Variants in GRID2IP observed in about 807,000 individuals in gnomAD.
The protein encoded by GRID2IP is delphilin.
In GRID2IP, 78 loss-of-function variants were observed where a neutral mutation model predicts 114.3. The observed-to-expected ratio is 0.68, with a 90% CI of 0.57 to 0.82. The LOEUF is 0.82. Ranked by LOEUF, GRID2IP falls within the 40% of genes least tolerant of loss-of-function variation. GRID2IP has a pLI of 0.00. For synonymous variants in GRID2IP, 809 were observed against 724.0 expected (o/e 1.12, Z -1.89); for missense variants, 1,727 against 1,678.5 (o/e 1.03, Z -0.51).
rs138354486 is a variant in GRID2IP at position 6,510,890 on chromosome 7, C to G, written c.1555+18G>C. 6.5e-7 allele frequency: 1 copy of G among 1,549,680 alleles called. No homozygotes were observed. On this transcript the variant is annotated intron_variant, in intron 9 of 21. Transcript: ENST00000457091. ...AAACTGAGCTCCATTCATACCCTCCCCCTGACACCAGCCTTACCGCAGCTG... is the reference window on the plus strand; with the variant it reads ...AAACTGAGCTCCATTCATACCCTCCGCCTGACACCAGCCTTACCGCAGCTG...
intron 4 of GRID2IP, among the ~76,000 whole-genome samples, chr7:6,524,954 G>C (rs1277652370): frequency 6.6e-6 from 1 of 151,518 alleles, no homozygotes; most frequent in Non-Finnish European, 1.5e-5. Context: ...TCCTGACCTC[G>C]TGATCCACCT....
intron 20 of GRID2IP, among the ~76,000 whole-genome samples, chr7:6,500,683 GC>G (rs1294901806): frequency 1.3e-5 from 2 of 152,228 alleles, no homozygotes; most frequent in Non-Finnish European, 2.9e-5. Context: ...ACCACCTACT[GC>G]CCTGGCCACA....
At chr7:6,539,969 C>G in intron 1 of GRID2IP, 97 bp from the exon 2 acceptor site, 3 of 1,167,104 alleles carry the variant, frequency 2.6e-6, no homozygotes, top group Middle Eastern at 2.2e-4. Context: ...TTTACCTACA[C>G]GGGATGGCTG....
chr7:6,503,934 A>C (rs1786496292), intron 15 of GRID2IP, among the ~76,000 whole-genome samples: 1 of 147,564 alleles, frequency 6.8e-6, no homozygotes, highest in Non-Finnish European at 1.5e-5. Context: ...AGAAAAAAGG[A>C]AAGGGGGCGG....
Position 6,536,750 on chromosome 7 carries a change from G to T in GRID2IP, c.584+2968C>A. 1 of 699,250 alleles carries T rather than the reference G, an allele frequency of 1.4e-6. No individual in the cohort carries two copies. Among genetic ancestry groups the T allele is most frequent in the Non-Finnish European group, 2.6e-6 (1 of 382,580 alleles). The allele number at this position is 699,250 out of a possible 1,614,324, so 43.3% of individuals were successfully genotyped here. On this transcript the variant is annotated intron_variant, in intron 2 of 21. Coordinates refer to ENST00000457091, the MANE Select transcript of GRID2IP (RefSeq NM_001145118.2). The surrounding 1 kb of genome is among the most constrained non-coding windows in gnomAD (Gnocchi z 5.3). ...TCAGAGCCAGCGCATCATCTCCGCG[G>T]CAAATTCGGCTCTAGAAATAACTTT...
At position 6,520,634 on chromosome 7, in the gene GRID2IP, G is replaced by A. The variant is rs754459115; in HGVS notation, c.1212C>T (p.Leu404=). ...AGACCCCATAGCGCTCAGGAGGTGTGAGTAGGTGCTCCAGCTGCTGGCTGA... is the reference window on the plus strand; with the variant it reads ...AGACCCCATAGCGCTCAGGAGGTGTAAGTAGGTGCTCCAGCTGCTGGCTGA... ...RTFSQQLEHL[L]TPPERYGVCR... Residue 404 remains leucine (L), a synonymous_variant, in exon 7 of 22, where the codon CTC becomes CTT. Coordinates refer to ENST00000457091, the MANE Select transcript of GRID2IP (RefSeq NM_001145118.2). This position sits in a 1 kb window ranked among gnomAD's most constrained non-coding sequence, Gnocchi z 4.6. 1 of 1,551,626 alleles carries A rather than the reference G, an allele frequency of 6.4e-7. No homozygotes were observed. Among genetic ancestry groups the A allele is most frequent in the Non-Finnish European group, 8.7e-7 (1 of 1,147,002 alleles).
rs963229696 is a variant in GRID2IP, at chr7:6,532,592, G to T, written c.585-5823C>A. ...ACTGGAGCCAGTGCCCACTCATGCC[G>T]TGCCCTCCCCAAGCCCTGTCCTCAG... is the stretch of plus-strand genomic sequence containing the variant. On this transcript the variant is annotated intron_variant, in intron 2 of 21. Coordinates refer to ENST00000457091, the MANE Select transcript of GRID2IP (RefSeq NM_001145118.2). This position sits in a 1 kb window ranked among gnomAD's most constrained non-coding sequence, Gnocchi z 4.4. 6.6e-6 allele frequency among the ~76,000 whole-genome samples: 1 copy of T among 152,114 alleles called. No individual in the cohort carries two copies. The highest frequency in any genetic ancestry group is 1.9e-4 in the East Asian group (1 of 5,190).
chr7:6,539,781 A>T lies in GRID2IP; in HGVS notation c.521T>A (p.Leu174Gln). ...QFAAEQRVDD[L>Q]VWTLTLALPR... ...CAGCGCCAGGGTGAGAGTCCACACC[A>T]GATCATCCACCCGCTGCTCAGCTGC... The change falls in exon 2 of 22, where the codon CTG becomes CAG. Residue 174 changes from leucine to glutamine, a missense_variant. Physicochemically the swap from Leu to Gln is moderately radical, Grantham distance 113. Coordinates refer to ENST00000457091, the MANE Select transcript of GRID2IP (RefSeq NM_001145118.2). The T allele has an allele frequency of 6.4e-7, 1 of 1,550,602 alleles. No individual in the cohort carries two copies. The highest frequency in any genetic ancestry group is 8.7e-7 in the Non-Finnish European group (1 of 1,146,940).
At chr7:6,513,386 C>CTT (rs34015103) in intron 8 of GRID2IP, among the ~76,000 whole-genome samples, 2,102 of 144,668 alleles carry the variant, frequency 0.015, 47 homozygotes, top group African/African-American at 0.044. Context: ...TAAATTAAAA[C>CTT]TTTTTTTTTT....
In GRID2IP at chr7:6,503,694, G is replaced by A. The variant is rs1786485771; in HGVS notation, c.2711-7C>T. ...AGGTGTGCCAAGAGGATGGCTGCGGGCGGGGCGGGGCGGTGAGCTGGGCGG... is the reference window on the plus strand; with the variant it reads ...AGGTGTGCCAAGAGGATGGCTGCGGACGGGGCGGGGCGGTGAGCTGGGCGG... On this transcript the variant is annotated splice_region_variant and splice_polypyrimidine_tract_variant and intron_variant, in intron 15 of 21. Coordinates refer to ENST00000457091, the MANE Select transcript of GRID2IP (RefSeq NM_001145118.2). 1.4e-6 allele frequency: 2 copies of A among 1,468,192 alleles called. No homozygotes were observed. The highest frequency in any genetic ancestry group is 2.9e-5 in the African/African-American group (2 of 68,310). The allele number at this position is 1,468,192 out of a possible 1,614,324, so 90.9% of individuals were successfully genotyped here.
At chr7:6,550,965 AGCCCCCTCCTTCCC>A in intron 1 of GRID2IP, 29 bp downstream of exon 1, 1 of 1,172,012 alleles carries the variant, frequency 8.5e-7, no homozygotes, top group Non-Finnish European at 1.1e-6. Flanking sequence ...CCACATTATG[AGCCCCCTCCTTCCC>A]GCCCCCACCT....
intron 2 of GRID2IP, among the ~76,000 whole-genome samples, chr7:6,529,621 C>G (rs1379249329): frequency 6.6e-6 from 1 of 152,220 alleles, no homozygotes; most frequent in African/African-American, 2.4e-5. Context: ...GCCCTCCATG[C>G]AGCTCAGTCT....
At chr7:6,505,318 A>G (rs1786544832) in intron 14 of GRID2IP, among the ~76,000 whole-genome samples, 2 of 148,460 alleles carry the variant, frequency 1.3e-5, no homozygotes, top group Admixed American at 1.3e-4. Flanking sequence ...TTTAGAAATG[A>G]GAGTCCCTGG....
chr7:6,529,776 C>T (rs1488612538), intron 2 of GRID2IP, among the ~76,000 whole-genome samples: 1 of 152,114 alleles, frequency 6.6e-6, no homozygotes, highest in African/African-American at 2.4e-5. Flanking sequence ...CTCTGGAGTC[C>T]CTGCTATGCC....
At position 6,526,530 on chromosome 7, in the gene GRID2IP, C is replaced by T; in HGVS notation, c.824G>A (p.Gly275Asp). 2.4e-6 allele frequency: 3 copies of T among 1,233,694 alleles called. No homozygotes were observed. The highest frequency in any genetic ancestry group is 3.0e-6 in the Non-Finnish European group (3 of 988,752). The allele number at this position is 1,233,694 out of a possible 1,614,324, so 76.4% of individuals were successfully genotyped here. Residue 275 changes from glycine (G) to aspartate (D), a missense_variant, in exon 3 of 22, where the codon GGC (glycine) becomes GAC (aspartate). Physicochemically the swap from Gly to Asp is moderately conservative, Grantham distance 94. Transcript: ENST00000457091. The surrounding 1 kb of genome is among the most constrained non-coding windows in gnomAD (Gnocchi z 7.6). ...LLVGGLAGPG[G>D]ARRTVRVYKG... ...TGTGAGCCCCGCGTACCTGCGCGCG[C>T]CCCCGGGGCCGGCGAGGCCGCCCAC...
In GRID2IP at chr7:6,504,854, C is replaced by T. The variant is rs1472777365; in HGVS notation, c.2649G>A (p.Pro883=). The change falls in exon 15 of 22, where the codon CCG becomes CCA. Residue 883 remains proline, a synonymous_variant. Transcript: ENST00000457091. ...TQKPAKPVPG[P]EPFRKKEVVE... ...CCACCTCCTTCTTCCGGAAGGGCTC[C>T]GGCCCCGGCACCGGTTCTGGAAAAG... 7 of 1,551,194 alleles carry T rather than the reference C, an allele frequency of 4.5e-6. No individual in the cohort carries two copies. The highest frequency in any genetic ancestry group is 1.4e-5 in the African/African-American group (1 of 73,032).
intron 1 of GRID2IP, among the ~76,000 whole-genome samples, chr7:6,543,395 C>CAAA (rs71539949): frequency 5.4e-5 from 7 of 130,704 alleles, no homozygotes; most frequent in African/African-American, 2.0e-4. Context: ...GGCTCTGTCT[C>CAAA]AAAAAAAAAA....
intron 2 of GRID2IP, among the ~76,000 whole-genome samples, chr7:6,531,446 A>C (rs754631536): frequency 9.9e-5 from 15 of 152,142 alleles, no homozygotes; most frequent in Admixed American, 2.6e-4. Flanking sequence ...CCGGACCCCC[A>C]CACAGTGGCG....
In GRID2IP at chr7:6,508,513, C is replaced by T. The variant is rs530274294; in HGVS notation, c.2128-112G>A. 4.8e-5 allele frequency: 72 copies of T among 1,496,820 alleles called. No homozygotes were observed. The highest frequency in any genetic ancestry group is 3.8e-4 in the South Asian group (29 of 76,200). 92.7% of individuals were successfully genotyped at this position (1,496,820 alleles called of 1,614,324 possible). ...CTGGGACAAGGACAGGGCCATCTCA[C>T]GGGTTAGCCTCAGGCTGTGAGGGAC... On this transcript the variant is annotated intron_variant, in intron 12 of 21. Transcript: ENST00000457091. This position sits in a 1 kb window ranked among gnomAD's most constrained non-coding sequence, Gnocchi z 5.6.
Sources: gnomAD v4.1 joint callset for allele counts (sites outside exome capture counted in the v4.1 genomes callset) on GRCh38, gnomAD v4.1.1 for gene constraint, Gnocchi (gnomAD v3.1) non-coding constraint, MANE v1.5 for transcripts, NCBI Gene and HGNC (gene_info 2026-07-23, HGNC 2026-07-21) for gene names.